Variants in ZPLD1 observed in about 807,000 individuals in gnomAD.
The protein encoded by ZPLD1 is zona pellucida-like domain-containing protein 1.
ZPLD1 carries 34 observed loss-of-function variants against 47.2 expected under a neutral mutation model. That is an observed-to-expected ratio of 0.72 (90% CI 0.55 to 0.96). The LOEUF is 0.96. Among genes scored for constraint, ZPLD1 ranks in the 40% least tolerant of loss-of-function variants. The pLI, the probability that ZPLD1 is intolerant of heterozygous loss-of-function variation, is 0.00. For synonymous variants in ZPLD1, 176 were observed against 186.2 expected (o/e 0.95, Z 0.45); for missense variants, 512 against 505.8 (o/e 1.01, Z -0.12).
chr3:102,415,982 T>C (rs1706800469), intron 7 of ZPLD1, among the ~76,000 whole-genome samples: 1 of 151,884 alleles, frequency 6.6e-6, no homozygotes, highest in East Asian at 1.9e-4. Flanking sequence ...CCACTTCTGG[T>C]GCTATCAGAT....
chr3:102,385,847 G>C (rs1706418935), intron 6 of ZPLD1, among the ~76,000 whole-genome samples: 1 of 152,134 alleles, frequency 6.6e-6, no homozygotes, highest in South Asian at 2.1e-4. Flanking sequence ...GTAGTAGACA[G>C]GGCCATGAGC....
Position 102,420,982 on chromosome 3 carries a change from A to G in ZPLD1, c.-9+2775A>G, listed in dbSNP as rs377152086. On this transcript the variant is annotated intron_variant, in intron 8 of 17. Coordinates refer to the ZPLD1 transcript ENST00000491959. Reference sequence around the variant, plus strand: ...ATTCAAAAAGTATATTTAGTTTGATAAAAGTCACCTAAGGCCAAATGAAAA... The same window carrying G: ...ATTCAAAAAGTATATTTAGTTTGATGAAAGTCACCTAAGGCCAAATGAAAA... Among the ~76,000 whole-genome samples the G allele has an allele frequency of 9.2e-5, 14 of 152,038 alleles. No homozygotes were observed. In the East Asian group the frequency reaches 2.5e-3, roughly 27 times the overall value.
At chr3:102,400,445 T>TC (rs1288758166) in intron 7 of ZPLD1, among the ~76,000 whole-genome samples, 1 of 152,048 alleles carries the variant, frequency 6.6e-6, no homozygotes, top group African/African-American at 2.4e-5. Context: ...GCTGTGTTTT[T>TC]CCCTGGCTGG....
intron 3 of ZPLD1, among the ~76,000 whole-genome samples, chr3:102,447,376 T>C (rs1707273573): frequency 6.6e-6 from 1 of 152,188 alleles, no homozygotes; most frequent in South Asian, 2.1e-4. Context: ...CCCATCCTTT[T>C]TCTTTTACAC....
At chr3:102,428,457 T>A (rs1314144326) in intron 8 of ZPLD1, among the ~76,000 whole-genome samples, 1 of 152,092 alleles carries the variant, frequency 6.6e-6, no homozygotes, top group Non-Finnish European at 1.5e-5. Context: ...CCTCAAGATT[T>A]TAAGTTTAAA....
chr3:102,462,423 G>T (rs375003040), intron 7 of ZPLD1, 45 bp downstream of exon 7: 67 of 1,334,146 alleles, frequency 5.0e-5, no homozygotes, highest in Non-Finnish European at 6.8e-5. Context: ...CTCTTTGACT[G>T]CCTAAATCCT....
intron 4 of ZPLD1, among the ~76,000 whole-genome samples, chr3:102,454,178 T>A (rs969593016): frequency 3.9e-5 from 6 of 152,190 alleles, no homozygotes; most frequent in Non-Finnish European, 7.3e-5. Context: ...CTTTGAATCT[T>A]GTTCTTTATC....
intron 7 of ZPLD1, among the ~76,000 whole-genome samples, chr3:102,399,594 T>C (rs1706596370): frequency 6.6e-6 from 1 of 152,114 alleles, no homozygotes; most frequent in African/African-American, 2.4e-5. Context: ...TAAATACATA[T>C]TTTCAGAGGA....
chr3:102,387,410 C>A (rs1706435478), intron 6 of ZPLD1, among the ~76,000 whole-genome samples: 1 of 152,188 alleles, frequency 6.6e-6, no homozygotes, highest in African/African-American at 2.4e-5. Flanking sequence ...TTGAGATGCT[C>A]TCCCATTTCT....
chr3:102,431,778 G>A (rs1025970002), upstream of ZPLD1, among the ~76,000 whole-genome samples: 11 of 152,110 alleles, frequency 7.2e-5, no homozygotes, highest in Admixed American at 1.3e-4. Context: ...ACGTGGTGGC[G>A]GTTGCCTGTA....
At chr3:102,461,710 C>A (rs1707509118) in intron 6 of ZPLD1, among the ~76,000 whole-genome samples, 1 of 151,932 alleles carries the variant, frequency 6.6e-6, no homozygotes, top group Non-Finnish European at 1.5e-5. Context: ...CCTGTAGTTT[C>A]TTCTATTCTC....
upstream of ZPLD1, among the ~76,000 whole-genome samples, chr3:102,434,288 A>G (rs1707054490): frequency 6.6e-6 from 1 of 152,220 alleles, no homozygotes; most frequent in Non-Finnish European, 1.5e-5. Context: ...TTGTGACAGA[A>G]CTATACCAAT....
At chr3:102,435,833 G>A (rs1576145453) in intron 1 of ZPLD1, among the ~76,000 whole-genome samples, 3 of 151,870 alleles carry the variant, frequency 2.0e-5, no homozygotes, top group South Asian at 2.1e-4. Context: ...TACTAGAGAC[G>A]GTGTTTCACC....
chr3:102,453,226 T>C (rs1707366495), intron 4 of ZPLD1, 87 bp downstream of exon 4: 1 of 1,210,422 alleles, frequency 8.3e-7, no homozygotes, highest in East Asian at 2.5e-5. Context: ...GCCCAATCTA[T>C]CTCTTGAGAA....
In ZPLD1 at chr3:102,413,908, C is replaced by T. The variant is rs118007442; in HGVS notation, c.-156-4152C>T. 2.8e-3 allele frequency among the ~76,000 whole-genome samples: 428 copies of T among 150,434 alleles called. 9 individuals are homozygous for T. Among genetic ancestry groups the T allele is most frequent in the Admixed American group, 0.021 (309 of 15,042 alleles). ...TGATTTCAAATAAAAACCTTGATTG[C>T]TTTTTTTTTGTAAAAAAAATGAAGT... On this transcript the variant is annotated intron_variant, in intron 7 of 17. Coordinates refer to the ZPLD1 transcript ENST00000491959.
At chr3:102,457,740 A>G (rs1401443000) in intron 5 of ZPLD1, 41 bp from the exon 6 acceptor site, 2 of 1,590,240 alleles carry the variant, frequency 1.3e-6, no homozygotes, top group Admixed American at 1.7e-5. Flanking sequence ...CTTTTACTCT[A>G]AAATCTCATC....
intron 7 of ZPLD1, among the ~76,000 whole-genome samples, chr3:102,463,735 T>G (rs1423598969): frequency 6.6e-6 from 1 of 152,064 alleles, no homozygotes; most frequent in Non-Finnish European, 1.5e-5. Flanking sequence ...AACAATTATA[T>G]TCCATGAGAT....
chr3:102,444,087 T>G lies in ZPLD1; in HGVS notation c.106+5494T>G, dbSNP rs545845259. ...TTCAATGAGTAATTCAGGGTCCATA[T>G]TCTCCCATATTTTAATAACAGCATT... is the stretch of plus-strand genomic sequence containing the variant. On this transcript the variant is annotated intron_variant, in intron 3 of 11. Coordinates refer to ENST00000466937, the MANE Select transcript of ZPLD1 (RefSeq NM_001329788.2). Among the ~76,000 whole-genome samples, 11 of 152,346 alleles carry G rather than the reference T, an allele frequency of 7.2e-5. 1 individual carries two copies. The South Asian group carries it at 2.3e-3, about 32-fold the overall frequency.
rs548395090 is a variant in ZPLD1, at chr3:102,479,529, T to C, written c.*1911T>C. The C allele has an allele frequency of 1.3e-5, 2 of 152,324 alleles. No homozygotes were observed. Among genetic ancestry groups the C allele is most frequent in the East Asian group, 3.9e-4 (2 of 5,188 alleles). 9.4% of individuals were successfully genotyped at this position (152,324 alleles called of 1,614,324 possible). A position where few individuals can be genotyped will look rare whatever the true frequency, so the allele number is the denominator to read the frequency against. On this transcript the variant is annotated 3_prime_UTR_variant, in exon 12 of 12. Transcript: ENST00000466937. ...TACTCCATTTTATAGAATTGAATAA[T>C]GGACACATGTCACTTGGGAAGCAAC...
Sources: allele counts gnomAD v4.1 joint callset (sites outside exome capture counted in the v4.1 genomes callset), GRCh38; gene constraint gnomAD v4.1.1; transcripts MANE v1.5; gene names NCBI Gene and HGNC (gene_info 2026-07-23, HGNC 2026-07-21).